Variants in ESR1 observed in about 807,000 individuals in gnomAD.
The protein encoded by ESR1 is estrogen receptor.
In ESR1, 12 loss-of-function variants were observed where a neutral mutation model predicts 52.7. The observed-to-expected ratio is 0.23, with a 90% confidence interval of 0.15 to 0.37. The LOEUF (loss-of-function observed/expected upper bound fraction) is 0.37, where lower values mean the gene tolerates loss of function less well. Among genes scored for constraint, ESR1 ranks in the 10% least tolerant of loss-of-function variants. The probability of loss-of-function intolerance (pLI) is 1.00; values close to 1 mark genes in which losing one functional copy is unlikely to be tolerated. For missense variants in ESR1, 584 were observed against 779.7 expected (o/e 0.75, Z 2.99); for synonymous variants, 305 against 316.8 (o/e 0.96, Z 0.39).
At chr6:151,980,994 G>A (rs1212398871) in intron 4 of ESR1, among the ~76,000 whole-genome samples, 3 of 152,154 alleles carry the variant, frequency 2.0e-5, no homozygotes, top group African/African-American at 2.4e-5. Context: ...AAGCCACCAC[G>A]CCCAGTCCAT....
At chr6:151,858,338 C>T (rs937263422) in intron 2 of ESR1, among the ~76,000 whole-genome samples, 1 of 152,192 alleles carries the variant, frequency 6.6e-6, no homozygotes, top group Non-Finnish European at 1.5e-5. Context: ...ATTTCAGTCA[C>T]GCAGCCAGTG....
intron 3 of ESR1, among the ~76,000 whole-genome samples, chr6:151,916,639 C>A (rs982860678): frequency 8.5e-5 from 13 of 152,106 alleles, no homozygotes; most frequent in African/African-American, 3.1e-4. Flanking sequence ...TCAGGCTCTT[C>A]ATAATTCTTA....
At chr6:152,081,228 A>G (rs184374263) in intron 6 of ESR1, among the ~76,000 whole-genome samples, 86 of 152,268 alleles carry the variant, frequency 5.6e-4, no homozygotes, top group African/African-American at 1.9e-3. Context: ...ATTGGAAGTA[A>G]AACACTCCTC....
At chr6:151,777,900 C>A (rs1392394040) in intron 2 of ESR1, among the ~76,000 whole-genome samples, 1 of 152,156 alleles carries the variant, frequency 6.6e-6, no homozygotes, top group South Asian at 2.1e-4. Flanking sequence ...GCAGAGGGTG[C>A]AGTGAGCCGA....
At chr6:151,982,425 G>A (rs1584631891) in intron 4 of ESR1, among the ~76,000 whole-genome samples, 1 of 152,152 alleles carries the variant, frequency 6.6e-6, no homozygotes. Flanking sequence ...TTCAGGTCAC[G>A]TAGGTAATAT....
intron 4 of ESR1, among the ~76,000 whole-genome samples, chr6:151,974,027 G>A (rs1457386494): frequency 6.6e-6 from 1 of 152,182 alleles, no homozygotes; most frequent in African/African-American, 2.4e-5. Flanking sequence ...TAGATGATAT[G>A]TAAATGAATG....
chr6:151,938,127 A>G (rs1472311129), intron 3 of ESR1, among the ~76,000 whole-genome samples: 1 of 152,230 alleles, frequency 6.6e-6, no homozygotes, highest in Non-Finnish European at 1.5e-5. Flanking sequence ...GAAAGTGATT[A>G]TGCAAATGTT....
At position 151,680,305 on chromosome 6, in the gene ESR1, G is replaced by A. The variant is rs527936835; in HGVS notation, n.74-21570G>A. Among the ~76,000 whole-genome samples, 18 of 149,442 alleles carry A rather than the reference G, an allele frequency of 1.2e-4. No individual in the cohort carries two copies. In the South Asian group the frequency reaches 3.0e-3, roughly 25 times the overall value. On this transcript the variant is annotated intron_variant and non_coding_transcript_variant, in intron 1 of 2. Coordinates refer to the ESR1 transcript ENST00000473497. ...TGCAATCTCCACCTTCCAGGTTCAA[G>A]TGAGTCTCCTGCCTCAGCCTCCCGA...
At chr6:151,838,275 A>T (rs1251997526) in intron 1 of ESR1, among the ~76,000 whole-genome samples, 1 of 152,240 alleles carries the variant, frequency 6.6e-6, no homozygotes, top group East Asian at 1.9e-4. Context: ...TCTACTAAAG[A>T]GCTGTGAAGC....
At chr6:151,792,198 AT>A (rs1408014655) in intron 2 of ESR1, among the ~76,000 whole-genome samples, 1 of 152,240 alleles carries the variant, frequency 6.6e-6, no homozygotes, top group Non-Finnish European at 1.5e-5. Flanking sequence ...GGTATAAGAG[AT>A]AAAAAATGGT....
At chr6:151,919,380 C>T (rs550631576) in intron 3 of ESR1, among the ~76,000 whole-genome samples, 2 of 152,222 alleles carry the variant, frequency 1.3e-5, no homozygotes, top group African/African-American at 4.8e-5. Flanking sequence ...AAATTTAGTG[C>T]CCAAGATAAG....
In ESR1 at chr6:151,974,529, G is replaced by A. The variant is rs542178807; in HGVS notation, c.1096+30021G>A. 3.6e-4 allele frequency among the ~76,000 whole-genome samples: 55 copies of A among 152,200 alleles called. 1 individual carries two copies. The South Asian group carries it at 0.011, about 29-fold the overall frequency. Reference sequence around the variant, plus strand: ...CTAGGACTTACAATCAGAAATCTGGGTTCACATTTCAACTCCGTTCCATGC... The same window carrying A: ...CTAGGACTTACAATCAGAAATCTGGATTCACATTTCAACTCCGTTCCATGC... On this transcript the variant is annotated intron_variant, in intron 4 of 7. Coordinates refer to ENST00000206249, the MANE Select transcript of ESR1 (RefSeq NM_000125.4).
chr6:152,035,637 G>C (rs1014626538), intron 5 of ESR1, among the ~76,000 whole-genome samples: 3 of 151,928 alleles, frequency 2.0e-5, no homozygotes, highest in Non-Finnish European at 4.4e-5. Context: ...TTGAGAGATG[G>C]GGTAAAAAAC....
At chr6:151,782,390 G>A (rs1786629245) in intron 2 of ESR1, among the ~76,000 whole-genome samples, 1 of 152,132 alleles carries the variant, frequency 6.6e-6, no homozygotes. Context: ...TTTAAGAATA[G>A]TATTATAATT....
intron 5 of ESR1, among the ~76,000 whole-genome samples, chr6:152,038,717 C>T (rs555930868): frequency 1.3e-4 from 20 of 152,192 alleles, no homozygotes; most frequent in South Asian, 1.0e-3. Flanking sequence ...CTGCAACCTC[C>T]GCCTCCTGGG....
At chr6:151,663,202 A>T (rs904937948) in intron 1 of ESR1, among the ~76,000 whole-genome samples, 4 of 152,216 alleles carry the variant, frequency 2.6e-5, no homozygotes, top group Admixed American at 2.6e-4. Context: ...TGGCACTGAG[A>T]TTGTCTCCAC....
upstream of ESR1, chr6:151,807,109 A>G (rs1195098397): frequency 6.6e-6 from 1 of 152,512 alleles, no homozygotes; most frequent in Non-Finnish European, 1.5e-5. Flanking sequence ...TCCTATATGT[A>G]TACCCTGAAT....
At chr6:152,059,148 C>G (rs879824774) in intron 5 of ESR1, among the ~76,000 whole-genome samples, 3 of 152,040 alleles carry the variant, frequency 2.0e-5, no homozygotes, top group Non-Finnish European at 4.4e-5. Flanking sequence ...TTGAATCACA[C>G]TCTTTAAATG....
At chr6:151,960,624 T>G (rs1381953247) in intron 4 of ESR1, among the ~76,000 whole-genome samples, 1 of 152,104 alleles carries the variant, frequency 6.6e-6, no homozygotes, top group Non-Finnish European at 1.5e-5. Context: ...GAAAGTAAGG[T>G]CCTGTGGCCA....
Sources: allele counts gnomAD v4.1 joint callset (sites outside exome capture counted in the v4.1 genomes callset), GRCh38; gene constraint gnomAD v4.1.1; transcripts MANE v1.5; gene names NCBI Gene and HGNC (gene_info 2026-07-23, HGNC 2026-07-21).